The following AGBL3 variants were observed in gnomAD, a reference collection of about 807,000 sequenced individuals.
AGBL3 encodes AGBL carboxypeptidase 3.
A neutral mutation model predicts 94.5 loss-of-function variants in AGBL3; 68 were observed. The observed-to-expected ratio is 0.72, with a 90% CI of 0.59 to 0.88. The LOEUF (loss-of-function observed/expected upper bound fraction) is 0.88, where lower values mean the gene tolerates loss of function less well. Among genes scored for constraint, AGBL3 ranks in the 40% least tolerant of loss-of-function variants. The pLI is 0.00. For missense variants in AGBL3, 934 were observed against 1,103.8 expected (o/e 0.85, Z 2.18); for synonymous variants, 354 against 370.7 (o/e 0.95, Z 0.52).
At chr7:135,010,038 T>TA in intron 4 of AGBL3, 1 of 427,988 alleles carries the variant, frequency 2.3e-6, no homozygotes, top group South Asian at 1.6e-5. Flanking sequence ...TTTTTTTTTT[T>TA]AAGATGGAGT....
rs187782718 is a variant in AGBL3, at chr7:135,034,527, C to T, written c.936C>T (p.Gly312=). 2.5e-5 allele frequency: 39 copies of T among 1,551,970 alleles called. No homozygotes were observed. In the East Asian group the frequency reaches 9.3e-4, roughly 37 times the overall value. ...CCAACCTGCAAGAATACCTTTCTGGCATCAATAATGATCCAGTACGGTCAA... is the reference window on the plus strand; with the variant it reads ...CCAACCTGCAAGAATACCTTTCTGGTATCAATAATGATCCAGTACGGTCAA... The part of the protein sequence containing the change: ...TYTNLQEYLS[G]INNDPVRSKF... The change falls in exon 7 of 17, where the codon GGC becomes GGT. Residue 312 remains glycine (G), a synonymous_variant. Coordinates refer to ENST00000436302, the MANE Select transcript of AGBL3 (RefSeq NM_178563.4).
intron 16 of AGBL3, 115 bp from the exon 17 acceptor site, chr7:135,134,726 A>T: frequency 1.0e-6 from 1 of 985,588 alleles, no homozygotes; most frequent in Non-Finnish European, 1.4e-6. Flanking sequence ...CTTAAACTTT[A>T]AGAAGTTATG....
At chr7:135,010,139 C>T (rs1181416309) in intron 4 of AGBL3, 2 of 405,268 alleles carry the variant, frequency 4.9e-6, no homozygotes, top group African/African-American at 2.2e-5. Context: ...AGCGATTCGC[C>T]TGCTTCAGCC....
chr7:134,993,573 C>G lies in AGBL3; in HGVS notation c.205C>G (p.Leu69Val). ...EYQLGRWVPR[L>V]REPRDLYGVS... ...TCAGCTAGGGAGATGGGTGCCACGTCTTCGTGAACCAAGGGATTTATATGG... is the reference window on the plus strand; with the variant it reads ...TCAGCTAGGGAGATGGGTGCCACGTGTTCGTGAACCAAGGGATTTATATGG... Residue 69 changes from leucine to valine, a missense_variant, in exon 4 of 17, where the codon CTT (leucine) becomes GTT (valine). Around this residue, in one of 3 missense-constraint regions of AGBL3, gnomAD observed 488 missense variants for 563.6 expected, o/e 0.87. Coordinates refer to ENST00000436302, the MANE Select transcript of AGBL3 (RefSeq NM_178563.4). The G allele has an allele frequency of 6.4e-7, 1 of 1,551,914 alleles. No homozygotes were observed. The highest frequency in any genetic ancestry group is 2.4e-5 in the East Asian group (1 of 40,922).
chr7:135,099,306 T>G (rs1823406185), intron 15 of AGBL3, among the ~76,000 whole-genome samples: 2 of 152,164 alleles, frequency 1.3e-5, no homozygotes. Context: ...TTTATATTGT[T>G]TGCTGTTCTC....
intron 15 of AGBL3, among the ~76,000 whole-genome samples, chr7:135,083,687 T>C (rs376635517): frequency 6.6e-6 from 1 of 152,216 alleles, no homozygotes; most frequent in East Asian, 1.9e-4. Flanking sequence ...ATGAATTGCA[T>C]TGAATTATCA....
chr7:135,079,274 C>T (rs908487561), intron 13 of AGBL3, among the ~76,000 whole-genome samples: 5 of 152,148 alleles, frequency 3.3e-5, no homozygotes, highest in African/African-American at 1.2e-4. Flanking sequence ...AATATCACTA[C>T]TTTTAAATTT....
At chr7:135,009,051 T>G (rs564978441) in intron 4 of AGBL3, among the ~76,000 whole-genome samples, 60 of 152,354 alleles carry the variant, frequency 3.9e-4, no homozygotes, top group African/African-American at 1.4e-3. Flanking sequence ...ATTGTGCAGC[T>G]ACTTTGGAAA....
chr7:135,024,854 A>G (rs541902913), intron 5 of AGBL3, among the ~76,000 whole-genome samples: 1 of 152,010 alleles, frequency 6.6e-6, no homozygotes, highest in South Asian at 2.1e-4. Context: ...AGTTAGAATC[A>G]TTAACAGCAG....
intron 5 of AGBL3, among the ~76,000 whole-genome samples, chr7:135,029,831 T>G (rs565950278): frequency 6.6e-6 from 1 of 152,140 alleles, no homozygotes; most frequent in South Asian, 2.1e-4. Flanking sequence ...GAGGCCATTG[T>G]AGGATTATTA....
chr7:134,987,004 G>T (rs1017636150), intron 1 of AGBL3, among the ~76,000 whole-genome samples: 1 of 152,264 alleles, frequency 6.6e-6, no homozygotes, highest in African/African-American at 2.4e-5. Context: ...CGTGCGCCCT[G>T]TGTGCACCTG....
chr7:135,125,108 A>G (rs944069971), intron 16 of AGBL3, among the ~76,000 whole-genome samples: 1 of 152,156 alleles, frequency 6.6e-6, no homozygotes, highest in African/African-American at 2.4e-5. Context: ...CACTGACTCC[A>G]GCAGCTGTTT....
chr7:135,082,969 A>G (rs1821042537), intron 15 of AGBL3, among the ~76,000 whole-genome samples: 1 of 152,058 alleles, frequency 6.6e-6, no homozygotes, highest in Non-Finnish European at 1.5e-5. Context: ...CTAATTCCAC[A>G]CTAAATGCTC....
intron 16 of AGBL3, among the ~76,000 whole-genome samples, chr7:135,123,445 T>C (rs1022723292): frequency 3.9e-5 from 6 of 152,094 alleles, no homozygotes; most frequent in Admixed American, 6.5e-5. Context: ...AGACGGAGAA[T>C]GGAAACAAGT....
At chr7:135,043,094 C>G (rs1262810428) in intron 8 of AGBL3, among the ~76,000 whole-genome samples, 2 of 152,130 alleles carry the variant, frequency 1.3e-5, no homozygotes, top group Admixed American at 1.3e-4. Flanking sequence ...CAACACTAAT[C>G]TTCATTCCTA....
chr7:135,129,149 T>G (rs990234756), intron 16 of AGBL3: 8 of 1,482,538 alleles, frequency 5.4e-6, no homozygotes, highest in African/African-American at 2.8e-5. Flanking sequence ...ATGACTGCCT[T>G]CTCCTCCAGT....
intron 15 of AGBL3, among the ~76,000 whole-genome samples, chr7:135,087,470 CTATAAACTTTCCT>C (rs1821420569): frequency 6.6e-6 from 1 of 151,790 alleles, no homozygotes; most frequent in African/African-American, 2.4e-5. Context: ...GCATTTATTG[CTATAAACTTTCCT>C]CTTAGTGCTG....
chr7:135,036,187 G>C (rs1451071836), intron 7 of AGBL3, among the ~76,000 whole-genome samples: 2 of 151,930 alleles, frequency 1.3e-5, no homozygotes, highest in African/African-American at 4.8e-5. Flanking sequence ...ATGTAATTTT[G>C]ATTAGTTAAG....
intron 13 of AGBL3, among the ~76,000 whole-genome samples, chr7:135,077,770 C>T (rs894538114): frequency 2.0e-5 from 3 of 152,102 alleles, no homozygotes; most frequent in African/African-American, 4.8e-5. Context: ...CAGTTAAACT[C>T]GGCCATTTTG....
Sources: allele counts gnomAD v4.1 joint callset (sites outside exome capture counted in the v4.1 genomes callset), GRCh38; gene constraint gnomAD v4.1.1; regional missense constraint gnomAD v4.1.1; transcripts MANE v1.5; gene names NCBI Gene and HGNC (gene_info 2026-07-23, HGNC 2026-07-21).